PPP1R9A: variants seen among roughly 807,000 people sequenced by gnomAD.
PPP1R9A encodes the protein protein phosphatase 1 regulatory subunit 9A.
A neutral mutation model predicts 141.9 loss-of-function variants in PPP1R9A; 59 were observed. The ratio of observed to expected loss-of-function variants is 0.42; its 90% CI spans 0.34 to 0.52. PPP1R9A has a LOEUF of 0.52. Among genes scored for constraint, PPP1R9A ranks in the 20% least tolerant of loss-of-function variants. PPP1R9A has a pLI of 0.10. For synonymous variants in PPP1R9A, 500 were observed against 569.7 expected (o/e 0.88, Z 1.74); for missense variants, 1,444 against 1,611.9 (o/e 0.90, Z 1.78).
chr7:95,133,343 G>C (rs1825003056), intron 4 of PPP1R9A, among the ~76,000 whole-genome samples: 2 of 151,956 alleles, frequency 1.3e-5, no homozygotes, highest in Non-Finnish European at 2.9e-5. Flanking sequence ...GTCCCTGTCT[G>C]CCTAGGAATT....
intron 5 of PPP1R9A, among the ~76,000 whole-genome samples, chr7:95,172,837 T>C (rs1451193553): frequency 1.3e-5 from 2 of 151,802 alleles, no homozygotes; most frequent in Non-Finnish European, 2.9e-5. Flanking sequence ...GGCAATCTGG[T>C]TGAGGTATAA....
intron 5 of PPP1R9A, among the ~76,000 whole-genome samples, chr7:95,188,685 GC>G (rs1362396937): frequency 6.7e-6 from 1 of 149,206 alleles, no homozygotes; most frequent in Non-Finnish European, 1.5e-5. Context: ...TGTAACCTCT[GC>G]CTCCTGGGTT....
At chr7:95,087,261 G>T (rs1385366595) in intron 2 of PPP1R9A, among the ~76,000 whole-genome samples, 2 of 151,918 alleles carry the variant, frequency 1.3e-5, no homozygotes, top group Non-Finnish European at 2.9e-5. Flanking sequence ...GCACTCAGAT[G>T]TTTACTTTTA....
At chr7:95,125,082 C>T (rs894475960) in intron 4 of PPP1R9A, among the ~76,000 whole-genome samples, 7 of 152,090 alleles carry the variant, frequency 4.6e-5, no homozygotes, top group Admixed American at 4.6e-4. Flanking sequence ...TCCTATGATG[C>T]CTTAAACTTA....
intron 2 of PPP1R9A, among the ~76,000 whole-genome samples, chr7:95,005,640 T>C (rs1803489422): frequency 6.6e-6 from 1 of 152,204 alleles, no homozygotes; most frequent in African/African-American, 2.4e-5. Context: ...CAGCTCATTT[T>C]AGGATCATTT....
intron 4 of PPP1R9A, among the ~76,000 whole-genome samples, chr7:95,140,939 C>T (rs574329910): frequency 6.6e-5 from 10 of 152,144 alleles, no homozygotes; most frequent in Non-Finnish European, 8.8e-5. Flanking sequence ...AGTCTGGTCT[C>T]GAACTCCTGG....
At chr7:95,270,500 G>C (rs1307617997) in intron 14 of PPP1R9A, among the ~76,000 whole-genome samples, 5 of 152,074 alleles carry the variant, frequency 3.3e-5, no homozygotes, top group Non-Finnish European at 5.9e-5. Context: ...AATTAGGATG[G>C]AGAAGTCCCA....
intron 2 of PPP1R9A, among the ~76,000 whole-genome samples, chr7:94,915,152 T>C (rs937657347): frequency 1.3e-5 from 2 of 152,266 alleles, no homozygotes; most frequent in African/African-American, 4.8e-5. Context: ...TCAAATCATA[T>C]GGAGCTTTAC....
chr7:94,918,590 C>G (rs185055600), intron 2 of PPP1R9A, among the ~76,000 whole-genome samples: 1 of 152,158 alleles, frequency 6.6e-6, no homozygotes, highest in Non-Finnish European at 1.5e-5. Flanking sequence ...TTATCTGATT[C>G]TAGAACTTTT....
At chr7:95,108,332 T>TTTTTTTTTTTTTTC (rs1554509667) in intron 2 of PPP1R9A, among the ~76,000 whole-genome samples, 1 of 139,968 alleles carries the variant, frequency 7.1e-6, no homozygotes, top group African/African-American at 2.8e-5. Flanking sequence ...TTTTTTTTTT[T>TTTTTTTTTTTTTTC]TGAGACAGTC....
In PPP1R9A at chr7:95,029,496, G is replaced by C. The variant is rs551834378; in HGVS notation, c.1396-81763G>C. Among the ~76,000 whole-genome samples the C allele has an allele frequency of 3.9e-5, 6 of 152,302 alleles. No individual in the cohort carries two copies. The South Asian group carries it at 1.2e-3, about 32-fold the overall frequency. ...AAAATTCTGTGCAATTACATAGAAT[G>C]TATATTAAAATATTGCTCAACTGTT... On this transcript the variant is annotated intron_variant, in intron 2 of 19. Coordinates refer to ENST00000433360, the MANE Select transcript of PPP1R9A (RefSeq NM_001166160.2).
At chr7:95,140,619 G>C (rs903564037) in intron 4 of PPP1R9A, among the ~76,000 whole-genome samples, 1 of 152,158 alleles carries the variant, frequency 6.6e-6, no homozygotes, top group Non-Finnish European at 1.5e-5. Context: ...TTGAATTCCT[G>C]GTCCCAAGTG....
intron 8 of PPP1R9A, among the ~76,000 whole-genome samples, chr7:95,242,539 A>T (rs1019391214): frequency 1.3e-5 from 2 of 152,154 alleles, no homozygotes; most frequent in African/African-American, 4.8e-5. Context: ...TAGCACAGTT[A>T]TATTTGGATT....
intron 2 of PPP1R9A, among the ~76,000 whole-genome samples, chr7:95,044,141 T>C (rs1259100536): frequency 1.3e-5 from 2 of 152,180 alleles, no homozygotes; most frequent in African/African-American, 4.8e-5. Context: ...GTTTTAGTTG[T>C]TTGTCCTTTA....
intron 2 of PPP1R9A, among the ~76,000 whole-genome samples, chr7:95,025,176 C>T (rs1274581219): frequency 2.0e-5 from 3 of 152,030 alleles, no homozygotes; most frequent in African/African-American, 4.8e-5. Flanking sequence ...AAGCAATTCT[C>T]CTGCCTCAGC....
intron 2 of PPP1R9A, among the ~76,000 whole-genome samples, chr7:95,071,217 A>T (rs11980928): frequency 0.013 from 2,038 of 152,068 alleles, 50 homozygotes; most frequent in African/African-American, 0.047. Flanking sequence ...GTGATTTTTT[A>T]AAAAATGTAA....
intron 2 of PPP1R9A, among the ~76,000 whole-genome samples, chr7:94,916,758 T>A (rs71562875): frequency 6.6e-6 from 1 of 152,138 alleles, no homozygotes; most frequent in Non-Finnish European, 1.5e-5. Flanking sequence ...AATGGTCATA[T>A]GATTTAACTT....
At chr7:95,111,210 AG>A (rs747456469) in intron 2 of PPP1R9A, 48 bp from the exon 3 acceptor site, 2 of 1,343,400 alleles carry the variant, frequency 1.5e-6, no homozygotes, top group East Asian at 2.3e-5. Context: ...GATACCTGGC[AG>A]GTTTTTTTTT....
At chr7:94,908,949 T>C (rs1331635859) in intron 1 of PPP1R9A, among the ~76,000 whole-genome samples, 2 of 152,074 alleles carry the variant, frequency 1.3e-5, no homozygotes, top group Non-Finnish European at 2.9e-5. Context: ...CGGTCTAATA[T>C]CAAAACAAAA....
Sources: gnomAD v4.1 joint callset for allele counts (sites outside exome capture counted in the v4.1 genomes callset) on GRCh38, gnomAD v4.1.1 for gene constraint, MANE v1.5 for transcripts, NCBI Gene and HGNC (gene_info 2026-07-23, HGNC 2026-07-21) for gene names.